FAM135B: variants seen among roughly 807,000 people sequenced by gnomAD.
The protein encoded by FAM135B is family with sequence similarity 135 member B, also known as protein FAM135B.
Under a neutral mutation model 127.7 loss-of-function variants are expected in FAM135B, and 43 were observed. That is an observed-to-expected ratio of 0.34 (90% CI 0.26 to 0.43). The LOEUF is 0.43. Ranked by LOEUF, FAM135B falls within the 20% of genes least tolerant of loss-of-function variation. The pLI is 1.00. For missense variants in FAM135B, 1,558 were observed against 1,725.6 expected, an observed-to-expected ratio of 0.90 and a Z score of 1.72; for synonymous variants, 670 against 665.1, an observed-to-expected ratio of 1.01 and a Z score of -0.11.
intron 1 of FAM135B, among the ~76,000 whole-genome samples, chr8:138,451,690 G>A (rs1348463199): frequency 2.0e-5 from 3 of 152,172 alleles, no homozygotes; most frequent in Non-Finnish European, 4.4e-5. Flanking sequence ...ATCTTTAAAT[G>A]ACTCCTCTTT....
At chr8:138,464,877 C>T (rs987947899) in intron 1 of FAM135B, among the ~76,000 whole-genome samples, 1 of 152,298 alleles carries the variant, frequency 6.6e-6, no homozygotes. Context: ...TCTTTCTGTA[C>T]CTTGGCACTT....
At chr8:138,423,828 G>C (rs1587417814) in intron 1 of FAM135B, among the ~76,000 whole-genome samples, 1 of 152,088 alleles carries the variant, frequency 6.6e-6, no homozygotes, top group African/African-American at 2.4e-5. Flanking sequence ...CATCCCTACA[G>C]CTCGACCATA....
chr8:138,136,694 T>A (rs530955788), intron 19 of FAM135B, among the ~76,000 whole-genome samples: 1 of 152,346 alleles, frequency 6.6e-6, no homozygotes, highest in Non-Finnish European at 1.5e-5. Flanking sequence ...AAAACCTAAC[T>A]CATTGTCATC....
chr8:138,233,116 C>T (rs1276406262), intron 7 of FAM135B, among the ~76,000 whole-genome samples: 1 of 152,112 alleles, frequency 6.6e-6, no homozygotes, highest in African/African-American at 2.4e-5. Flanking sequence ...TCTCAAATAG[C>T]CAAAGCAAAC....
chr8:138,485,053 C>T (rs1392930983), intron 1 of FAM135B, among the ~76,000 whole-genome samples: 1 of 152,178 alleles, frequency 6.6e-6, no homozygotes, highest in Non-Finnish European at 1.5e-5. Flanking sequence ...ATGATGTGTG[C>T]TCCAGAAATT....
Position 138,242,932 on chromosome 8 carries a change from C to G in FAM135B, c.669+10G>C, listed in dbSNP as rs201095622. 6.2e-7 allele frequency: 1 copy of G among 1,610,214 alleles called. No individual in the cohort carries two copies. The highest frequency in any genetic ancestry group is 2.2e-5 in the East Asian group (1 of 44,772). On this transcript the variant is annotated intron_variant, in intron 7 of 19. Transcript: ENST00000395297. The surrounding 1 kb of genome is among the most constrained non-coding windows in gnomAD (Gnocchi z 9.6). The stretch of plus-strand genomic sequence containing the variant: ...AAAGTTTTGAAGCAACTGCCCCACA[C>G]AGGCCTTACCTCTGAGGAAGTCGGC...
intron 2 of FAM135B, among the ~76,000 whole-genome samples, chr8:138,323,638 T>C (rs1033782853): frequency 6.6e-6 from 1 of 152,194 alleles, no homozygotes; most frequent in Non-Finnish European, 1.5e-5. Flanking sequence ...TGGTATCTTG[T>C]GCTAGTTAAG....
At chr8:138,161,183 G>C (rs1318268674) in intron 12 of FAM135B, among the ~76,000 whole-genome samples, 1 of 152,158 alleles carries the variant, frequency 6.6e-6, no homozygotes, top group Non-Finnish European at 1.5e-5. Context: ...ATTCTATTCA[G>C]AGAAACTCTC....
At chr8:138,336,515 G>A (rs975692172) in intron 2 of FAM135B, among the ~76,000 whole-genome samples, 2 of 152,106 alleles carry the variant, frequency 1.3e-5, no homozygotes, top group African/African-American at 4.8e-5. Flanking sequence ...AGAAGAAATG[G>A]ATACATTCCT....
chr8:138,160,586 T>C (rs1295939708), intron 12 of FAM135B, among the ~76,000 whole-genome samples: 1 of 148,946 alleles, frequency 6.7e-6, no homozygotes, highest in Non-Finnish European at 1.5e-5. Context: ...TTAGTGGAGA[T>C]GGGGTTTCAC....
intron 1 of FAM135B, among the ~76,000 whole-genome samples, chr8:138,375,169 C>T (rs375238983): frequency 6.6e-6 from 1 of 152,194 alleles, no homozygotes; most frequent in African/African-American, 2.4e-5. Flanking sequence ...ATAGCTGAGC[C>T]AGGGACTAGC....
chr8:138,412,881 C>T (rs1264686636), intron 1 of FAM135B, among the ~76,000 whole-genome samples: 2 of 152,132 alleles, frequency 1.3e-5, no homozygotes, highest in Non-Finnish European at 2.9e-5. Flanking sequence ...TGCTTCCTGA[C>T]TCTCTCTCCT....
intron 4 of FAM135B, among the ~76,000 whole-genome samples, chr8:138,259,245 A>G (rs949773211): frequency 1.3e-5 from 2 of 151,576 alleles, no homozygotes; most frequent in Non-Finnish European, 2.9e-5. Context: ...CATAATGGTG[A>G]CTCTCTTGTT....
intron 7 of FAM135B, among the ~76,000 whole-genome samples, chr8:138,227,925 T>A (rs1001307036): frequency 2.0e-5 from 3 of 152,152 alleles, no homozygotes; most frequent in African/African-American, 7.2e-5. Flanking sequence ...CTGCATATTG[T>A]CATATGTCTC....
At chr8:138,206,714 T>A in intron 7 of FAM135B, among the ~76,000 whole-genome samples, 1 of 128,126 alleles carries the variant, frequency 7.8e-6, no homozygotes, top group African/African-American at 3.0e-5. Flanking sequence ...CGCACAGCTC[T>A]ATCATCCCCT....
In FAM135B at chr8:138,419,527, C is replaced by T. The variant is rs538953372; in HGVS notation, c.-19-51525G>A. On this transcript the variant is annotated intron_variant, in intron 1 of 19. Transcript: ENST00000395297. ...AGTGACCTAACAGACATCTACAGAA[C>T]ATTCCACCCAACAATAACAGAATAT... Among the ~76,000 whole-genome samples, 3 of 152,266 alleles carry T rather than the reference C, an allele frequency of 2.0e-5. No individual in the cohort carries two copies. The South Asian group carries it at 6.2e-4, about 32-fold the overall frequency.
intron 15 of FAM135B, chr8:138,144,425 A>T (rs1817483309): frequency 6.6e-6 from 1 of 152,188 alleles, no homozygotes; most frequent in Non-Finnish European, 1.5e-5. Flanking sequence ...ACAAACAAAA[A>T]TAGGTAAAAT....
At chr8:138,405,724 T>C (rs1334735323) in intron 1 of FAM135B, among the ~76,000 whole-genome samples, 1 of 152,154 alleles carries the variant, frequency 6.6e-6, no homozygotes, top group Non-Finnish European at 1.5e-5. Context: ...TTTGGGTATA[T>C]ACCCAGTAAT....
intron 1 of FAM135B, among the ~76,000 whole-genome samples, chr8:138,372,067 C>T (rs574014604): frequency 3.9e-5 from 6 of 152,314 alleles, no homozygotes; most frequent in Admixed American, 2.0e-4. Context: ...CACTCAGGTA[C>T]GGCCTCCCTG....
Sources: allele counts gnomAD v4.1 joint callset (sites outside exome capture counted in the v4.1 genomes callset), GRCh38; gene constraint gnomAD v4.1.1; non-coding constraint Gnocchi (gnomAD v3.1); transcripts MANE v1.5; gene names NCBI Gene and HGNC (gene_info 2026-07-23, HGNC 2026-07-21).